ERI1: variants seen among roughly 807,000 people sequenced by gnomAD.
ERI1 encodes 3'-5' exoribonuclease 1.
In ERI1, 39 loss-of-function variants were observed where a neutral mutation model predicts 39.7. The ratio of observed to expected loss-of-function variants is 0.98; its 90% CI spans 0.76 to 1.28. The LOEUF is 1.28. ERI1 is among the 50% of genes most tolerant of loss of function. ERI1 has a pLI of 0.00. For missense variants in ERI1, 581 were observed against 416.9 expected (o/e 1.39, Z -3.43); for synonymous variants, 204 against 149.6 (o/e 1.36, Z -2.65).
chr8:9,003,156 G>T lies in ERI1; in HGVS notation c.93G>T (p.Pro31=). Reference sequence around the variant, plus strand: ...GGCCGGAGGGCGGGGAGGAGCCGCCGCGTCCCAGTCCCGAGGTGAGGAGTC... The same window carrying T: ...GGCCGGAGGGCGGGGAGGAGCCGCCTCGTCCCAGTCCCGAGGTGAGGAGTC... ...SPRPEGGEEP[P]RPSPEETQQC... The change falls in exon 1 of 7, where the codon CCG becomes CCT. Residue 31 remains proline, a synonymous_variant. Coordinates refer to ENST00000250263, the MANE Select transcript of ERI1 (RefSeq NM_153332.4). The T allele has an allele frequency of 8.0e-7, 1 of 1,243,700 alleles. No homozygotes were observed. The highest frequency in any genetic ancestry group is 1.0e-6 in the Non-Finnish European group (1 of 991,136). The allele number at this position is 1,243,700 out of a possible 1,614,324, so 77.0% of individuals were successfully genotyped here.
chr8:9,029,484 A>T (rs1017609756), intron 6 of ERI1, among the ~76,000 whole-genome samples: 3 of 152,028 alleles, frequency 2.0e-5, no homozygotes, highest in African/African-American at 4.8e-5. Context: ...GTGCACCACC[A>T]CGCCTGGCTA....
intron 3 of ERI1, among the ~76,000 whole-genome samples, chr8:9,061,844 A>T (rs1257062137): frequency 6.6e-6 from 1 of 151,104 alleles, no homozygotes; most frequent in African/African-American, 2.4e-5. Flanking sequence ...GCTGAGCCTG[A>T]TGGGTGTCAG....
chr8:9,082,267 C>G (rs149464205), intron 3 of ERI1, among the ~76,000 whole-genome samples: 118 of 152,200 alleles, frequency 7.8e-4, no homozygotes, highest in African/African-American at 2.7e-3. Flanking sequence ...CTCCTTTTAC[C>G]AGAACTTCTG....
chr8:9,060,155 C>T (rs529649534), intron 3 of ERI1, among the ~76,000 whole-genome samples: 1 of 152,168 alleles, frequency 6.6e-6, no homozygotes, highest in African/African-American at 2.4e-5. Context: ...CCACTGAATA[C>T]CAAGAGCCTG....
At chr8:9,023,079 G>A (rs752581395) in intron 6 of ERI1, among the ~76,000 whole-genome samples, 6 of 152,014 alleles carry the variant, frequency 3.9e-5, no homozygotes, top group Non-Finnish European at 8.8e-5. Flanking sequence ...ATCAGGATAA[G>A]GTTCACAGAT....
In ERI1 at chr8:9,008,035, G is replaced by A. The variant is rs184661371; in HGVS notation, c.174G>A (p.Ala58=). ...TKGSKFITSS[A]SDFSDPVYKE... The stretch of plus-strand genomic sequence containing the variant: ...GATCCAAGTTCATTACCTCCAGTGC[G>A]AGTGACTTCAGTGACCCGGTTTACA... Residue 58 remains alanine, a synonymous_variant, in exon 2 of 7, where the codon GCG becomes GCA. Coordinates refer to ENST00000250263, the MANE Select transcript of ERI1 (RefSeq NM_153332.4). The A allele has an allele frequency of 1.2e-4, 190 of 1,604,528 alleles. 1 individual carries two copies. The Admixed American group carries it at 2.8e-3, about 24-fold the overall frequency.
chr8:9,040,733 G>T (rs200924887), intron 3 of ERI1, among the ~76,000 whole-genome samples: 23,170 of 145,012 alleles, frequency 0.16, 1,870 homozygotes, highest in Middle Eastern at 0.18. Context: ...TGTGTGTGGG[G>T]GGGGGGTGTG....
chr8:9,040,009 C>T (rs556642406), intron 3 of ERI1, among the ~76,000 whole-genome samples: 1 of 152,198 alleles, frequency 6.6e-6, no homozygotes, highest in South Asian at 2.1e-4. Flanking sequence ...TCACTAAACT[C>T]TTTTTGTTTT....
chr8:9,019,406 A>G (rs7846007), intron 5 of ERI1, among the ~76,000 whole-genome samples: 1 of 152,160 alleles, frequency 6.6e-6, no homozygotes, highest in African/African-American at 2.4e-5. Flanking sequence ...CTCTTTAGAA[A>G]TCCATTACTG....
chr8:9,007,935 C>CTTTT lies in ERI1; in HGVS notation c.109-9_109-6dup, dbSNP rs556702690. On this transcript the variant is annotated intron_variant, in intron 1 of 6. Transcript: ENST00000250263. ...GTTTGTACTAATTATAAACTACATC[C>CTTTT]TTTTTTTTTTTTTTTTTTTTTTTTT... The CTTTT allele has an allele frequency of 5.6e-5, 54 of 969,276 alleles. 3 individuals carry two copies. Among genetic ancestry groups the CTTTT allele is most frequent in the South Asian group, 3.6e-4 (21 of 57,612 alleles). The allele number at this position is 969,276 out of a possible 1,614,324, so 60.0% of individuals were successfully genotyped here.
At chr8:9,022,550 C>A (rs1462019111) in intron 6 of ERI1, among the ~76,000 whole-genome samples, 1 of 152,070 alleles carries the variant, frequency 6.6e-6, no homozygotes. Flanking sequence ...CGGGCGCCCA[C>A]AACCACAACT....
At chr8:9,063,663 G>A (rs1208498871) in intron 3 of ERI1, among the ~76,000 whole-genome samples, 1 of 151,956 alleles carries the variant, frequency 6.6e-6, no homozygotes, top group African/African-American at 2.4e-5. Context: ...GACTAGGGAG[G>A]GTCCAATGTG....
intron 3 of ERI1, among the ~76,000 whole-genome samples, chr8:9,047,105 AC>A (rs1798198076): frequency 6.6e-6 from 1 of 152,264 alleles, no homozygotes; most frequent in East Asian, 1.9e-4. Flanking sequence ...CAGAAGGAGC[AC>A]TCCTTGCCAA....
At chr8:9,082,938 G>C (rs1338568619) in intron 3 of ERI1, among the ~76,000 whole-genome samples, 2 of 152,156 alleles carry the variant, frequency 1.3e-5, no homozygotes, top group Admixed American at 6.5e-5. Context: ...AGGGTTACCA[G>C]ATAAAATATG....
intron 3 of ERI1, among the ~76,000 whole-genome samples, chr8:9,079,976 G>A (rs1471395618): frequency 2.8e-5 from 4 of 141,138 alleles, no homozygotes; most frequent in African/African-American, 8.3e-5. Flanking sequence ...TGGCCCACAA[G>A]CAGGTTTTTA....
intron 3 of ERI1, among the ~76,000 whole-genome samples, chr8:9,066,743 C>T (rs1020552974): frequency 1.3e-5 from 2 of 152,000 alleles, no homozygotes; most frequent in African/African-American, 4.8e-5. Flanking sequence ...GGTCTGGCAG[C>T]CCCCACTGCA....
chr8:9,011,753 G>GT lies in ERI1; in HGVS notation c.498+2dup. The GT allele has an allele frequency of 6.3e-7, 1 of 1,587,698 alleles. No homozygotes were observed. Among genetic ancestry groups the GT allele is most frequent in the Non-Finnish European group, 8.6e-7 (1 of 1,162,136 alleles). ...ACTGAATACGCATACTTTAGAAATA[G>GT]TAAGTGAATTTTTGTATTTTAATTG... On this transcript the variant is annotated splice_donor_variant, in intron 3 of 6. Coordinates refer to ENST00000250263, the MANE Select transcript of ERI1 (RefSeq NM_153332.4). LOFTEE classifies it high-confidence loss of function.
At chr8:9,085,722 T>G (rs1411994674) in intron 3 of ERI1, among the ~76,000 whole-genome samples, 1 of 151,934 alleles carries the variant, frequency 6.6e-6, no homozygotes, top group Non-Finnish European at 1.5e-5. Flanking sequence ...GATGAGACAG[T>G]AAAAGTTAGA....
rs2117321067 is a variant in ERI1 at position 9,032,965 on chromosome 8, CTG to C, written c.*2934_*2935del. ...AGTATATGCTCCTCGAGACCAGAGA[CTG>C]TGACTTCTGCATCTTTGATTCCAGC... On this transcript the variant is annotated 3_prime_UTR_variant, in exon 7 of 7. Coordinates refer to ENST00000250263, the MANE Select transcript of ERI1 (RefSeq NM_153332.4). The C allele has an allele frequency of 6.6e-6, 1 of 152,354 alleles. No homozygotes were observed. Among genetic ancestry groups the C allele is most frequent in the South Asian group, 2.1e-4 (1 of 4,830 alleles). The allele number at this position is 152,354 out of a possible 1,614,324, so 9.4% of individuals were successfully genotyped here.
Sources: gnomAD v4.1 joint callset for allele counts (sites outside exome capture counted in the v4.1 genomes callset) on GRCh38, gnomAD v4.1.1 for gene constraint, MANE v1.5 for transcripts, NCBI Gene and HGNC (gene_info 2026-07-23, HGNC 2026-07-21) for gene names.